The following PCDH15 variants were observed in gnomAD, a reference collection of about 807,000 sequenced individuals.
PCDH15 encodes the protein protocadherin related 15.
A neutral mutation model predicts 178.5 loss-of-function variants in PCDH15; 129 were observed. The observed-to-expected ratio is 0.72, with a 90% CI of 0.63 to 0.84. The LOEUF is 0.84. Among genes scored for constraint, PCDH15 ranks in the 40% least tolerant of loss-of-function variants. The pLI is 0.00. For synonymous variants in PCDH15, 800 were observed against 732.0 expected (o/e 1.09, Z -1.50); for missense variants, 2,230 against 2,099.9 (o/e 1.06, Z -1.21).
intron 2 of PCDH15, among the ~76,000 whole-genome samples, chr10:55,607,266 G>A (rs1157940281): frequency 6.6e-6 from 1 of 151,840 alleles, no homozygotes; most frequent in Non-Finnish European, 1.5e-5. Context: ...TGGAGAGGAT[G>A]TGGAGAAATA....
chr10:55,498,810 T>A (rs183511322), intron 2 of PCDH15, among the ~76,000 whole-genome samples: 1 of 151,918 alleles, frequency 6.6e-6, no homozygotes, highest in East Asian at 2.0e-4. Context: ...TGAGTTTGGA[T>A]AGGCTATCTT....
chr10:53,947,684 G>A (rs1277283848), intron 23 of PCDH15, among the ~76,000 whole-genome samples: 1 of 152,144 alleles, frequency 6.6e-6, no homozygotes, highest in Non-Finnish European at 1.5e-5. Flanking sequence ...AGAGATGCTA[G>A]TTCTTCCAGA....
At position 53,806,337 on chromosome 10, in the gene PCDH15, C is replaced by A. The variant is rs1841153128; in HGVS notation, c.*242G>T. 2 of 400,360 alleles carry A rather than the reference C, an allele frequency of 5.0e-6. No homozygotes were observed. The highest frequency in any genetic ancestry group is 4.0e-5 in the East Asian group (1 of 25,298). 24.8% of individuals were successfully genotyped at this position (400,360 alleles called of 1,614,324 possible). A position where few individuals can be genotyped will look rare whatever the true frequency, so the allele number is the denominator to read the frequency against. On this transcript the variant is annotated 3_prime_UTR_variant, in exon 38 of 38. Transcript: ENST00000644397. ...AAAAATTCAAGACCCAACAAAACAG[C>A]TAAATGTTTAAACGATAGGTTATTT...
intron 2 of PCDH15, among the ~76,000 whole-genome samples, chr10:55,463,864 CGAAA>C (rs973217946): frequency 2.6e-5 from 2 of 76,516 alleles, no homozygotes; most frequent in African/African-American, 4.2e-5. Flanking sequence ...CAGAATGAGA[CGAAA>C]GAAAGAGAGA....
At chr10:54,218,700 T>G (rs2052386482) in intron 9 of PCDH15, among the ~76,000 whole-genome samples, 1 of 151,152 alleles carries the variant, frequency 6.6e-6, no homozygotes, top group African/African-American at 2.5e-5. Context: ...AGGGTGTTTC[T>G]TAATGGTAGT....
rs1239250587 is a variant in PCDH15, at chr10:55,219,223, CTCTATT to C, written c.-155-52578_-155-52573del. Among the ~76,000 whole-genome samples, 28 of 151,936 alleles carry C rather than the reference CTCTATT, an allele frequency of 1.8e-4. 1 individual carries two copies. The South Asian group carries it at 5.6e-3, about 30-fold the overall frequency. ...GTAGACCATAAATAAGTAGGGTCTT[CTCTATT>C]TCTAACGTGGCTATACATCCTGTTG... is the stretch of plus-strand genomic sequence containing the variant. On this transcript the variant is annotated intron_variant, in intron 1 of 5. Coordinates refer to the PCDH15 transcript ENST00000458638.
intron 3 of PCDH15, among the ~76,000 whole-genome samples, chr10:54,420,144 G>GA (rs1327810398): frequency 3.3e-5 from 5 of 151,972 alleles, no homozygotes; most frequent in Admixed American, 6.6e-5. Context: ...AATAATTGCA[G>GA]AAAAAATGTG....
At chr10:55,168,365 T>A (rs1839248339) in intron 1 of PCDH15, among the ~76,000 whole-genome samples, 2 of 152,214 alleles carry the variant, frequency 1.3e-5, no homozygotes, top group African/African-American at 4.8e-5. Context: ...TAATGAAAGC[T>A]ATAAAATGGA....
At chr10:54,845,315 C>T (rs1953489487) in intron 3 of PCDH15, among the ~76,000 whole-genome samples, 1 of 152,038 alleles carries the variant, frequency 6.6e-6, no homozygotes, top group Middle Eastern at 3.4e-3. Context: ...TTGAGGAAGA[C>T]ATTAGTGTAC....
At chr10:55,200,437 A>T (rs1840213437) in intron 1 of PCDH15, among the ~76,000 whole-genome samples, 1 of 152,106 alleles carries the variant, frequency 6.6e-6, no homozygotes, top group African/African-American at 2.4e-5. Context: ...TCATGGAAGT[A>T]AGTAATTTGA....
At chr10:54,139,175 T>G (rs574377640) in intron 14 of PCDH15, among the ~76,000 whole-genome samples, 1 of 152,242 alleles carries the variant, frequency 6.6e-6, no homozygotes, top group Non-Finnish European at 1.5e-5. Flanking sequence ...ATGATCTTGG[T>G]TTGTGTACCT....
At chr10:54,133,901 A>G (rs2042665161) in intron 14 of PCDH15, among the ~76,000 whole-genome samples, 1 of 138,236 alleles carries the variant, frequency 7.2e-6, no homozygotes, top group Admixed American at 7.2e-5. Context: ...ATACACACAC[A>G]TATACACACA....
intron 2 of PCDH15, among the ~76,000 whole-genome samples, chr10:55,018,535 T>C (rs1464429858): frequency 6.6e-6 from 1 of 152,106 alleles, no homozygotes; most frequent in Non-Finnish European, 1.5e-5. Flanking sequence ...CTGTGGTTGG[T>C]TGAATCAGCA....
At chr10:54,594,187 G>A (rs1275138156) in intron 2 of PCDH15, among the ~76,000 whole-genome samples, 6 of 152,162 alleles carry the variant, frequency 3.9e-5, no homozygotes, top group East Asian at 1.9e-4. Context: ...ATGGACACTT[G>A]AGTTGGCAGA....
chr10:55,458,238 A>G (rs2132089294), intron 2 of PCDH15, among the ~76,000 whole-genome samples: 1 of 152,136 alleles, frequency 6.6e-6, no homozygotes, highest in East Asian at 1.9e-4. Flanking sequence ...TGATTTGTGA[A>G]TATCTTCTCC....
intron 1 of PCDH15, among the ~76,000 whole-genome samples, chr10:55,265,452 T>C (rs1842263918): frequency 6.6e-6 from 1 of 151,936 alleles, no homozygotes; most frequent in East Asian, 1.9e-4. Flanking sequence ...CAGACCCTGA[T>C]GGACAATGAG....
At chr10:53,811,858 A>C (rs1301719026) in intron 35 of PCDH15, among the ~76,000 whole-genome samples, 1 of 152,204 alleles carries the variant, frequency 6.6e-6, no homozygotes, top group Non-Finnish European at 1.5e-5. Flanking sequence ...ATTTGACCTG[A>C]AGAGGAAAAA....
chr10:54,596,374 G>T (rs570709002), intron 2 of PCDH15, among the ~76,000 whole-genome samples: 1 of 152,260 alleles, frequency 6.6e-6, no homozygotes, highest in East Asian at 1.9e-4. Flanking sequence ...AGCTTCCTAA[G>T]TGAAGGGAAA....
chr10:54,921,316 TTTATTTA>T (rs750025350), intron 2 of PCDH15, among the ~76,000 whole-genome samples: 5 of 150,884 alleles, frequency 3.3e-5, no homozygotes, highest in Non-Finnish European at 5.9e-5. Context: ...TATTTTTATT[TTTATTTA>T]TTTTTTTTTA....
Sources: gnomAD v4.1 joint callset for allele counts (sites outside exome capture counted in the v4.1 genomes callset) on GRCh38, gnomAD v4.1.1 for gene constraint, MANE v1.5 for transcripts, NCBI Gene and HGNC (gene_info 2026-07-23, HGNC 2026-07-21) for gene names.